CTNNA3: variants seen among roughly 807,000 people sequenced by gnomAD.
The protein encoded by CTNNA3 is catenin alpha-3.
CTNNA3 carries 76 observed loss-of-function variants against 95.7 expected under a neutral mutation model. The observed-to-expected ratio is 0.79, with a 90% confidence interval of 0.66 to 0.96. CTNNA3 has a LOEUF of 0.96. Among genes scored for constraint, CTNNA3 ranks in the 40% least tolerant of loss-of-function variants. The probability of loss-of-function intolerance (pLI) is 0.00; values close to 1 mark genes in which losing one functional copy is unlikely to be tolerated. For missense variants in CTNNA3, 1,191 were observed against 1,089.8 expected, an observed-to-expected ratio of 1.09 and a Z score of -1.31; for synonymous variants, 431 against 374.4, an observed-to-expected ratio of 1.15 and a Z score of -1.74.
At chr10:67,488,517 A>C (rs903358771) in intron 5 of CTNNA3, among the ~76,000 whole-genome samples, 2 of 151,990 alleles carry the variant, frequency 1.3e-5, no homozygotes, top group Admixed American at 1.3e-4. Context: ...TTACAGGCAC[A>C]TGCCACCAAG....
At chr10:67,077,014 C>G (rs940906550) in intron 7 of CTNNA3, among the ~76,000 whole-genome samples, 1 of 152,144 alleles carries the variant, frequency 6.6e-6, no homozygotes, top group African/African-American at 2.4e-5. Context: ...CAGGCAACGC[C>G]CCCAACATGA....
chr10:67,005,394 G>A (rs2140375), intron 7 of CTNNA3, among the ~76,000 whole-genome samples: 79,589 of 151,840 alleles, frequency 0.52, 21,569 homozygotes, highest in Middle Eastern at 0.73. Flanking sequence ...CTCTATCTCA[G>A]TTCCTAGTTC....
chr10:66,694,332 A>C (rs1290108485), intron 9 of CTNNA3, among the ~76,000 whole-genome samples: 1 of 152,004 alleles, frequency 6.6e-6, no homozygotes, highest in African/African-American at 2.4e-5. Context: ...TACTACAAAC[A>C]CCTCTATGCA....
chr10:67,336,276 G>A (rs1458206128), intron 5 of CTNNA3, among the ~76,000 whole-genome samples: 1 of 152,110 alleles, frequency 6.6e-6, no homozygotes, highest in Non-Finnish European at 1.5e-5. Context: ...GAAAGAAACT[G>A]TAGCAGGTCT....
intron 15 of CTNNA3, among the ~76,000 whole-genome samples, chr10:66,013,326 A>C (rs10762023): frequency 0.75 from 114,115 of 152,118 alleles, 43,114 homozygotes; most frequent in East Asian, 0.93. Flanking sequence ...AGTGGACCAG[A>C]ACTGAAAATA....
At chr10:67,598,016 C>G (rs78985486) in intron 3 of CTNNA3, among the ~76,000 whole-genome samples, 1,998 of 152,250 alleles carry the variant, frequency 0.013, 40 homozygotes, top group East Asian at 0.07. Flanking sequence ...TGCAGCCAGA[C>G]AGAGACCTTG....
At chr10:66,846,697 T>C (rs1843296477) in intron 7 of CTNNA3, among the ~76,000 whole-genome samples, 1 of 152,206 alleles carries the variant, frequency 6.6e-6, no homozygotes, top group Admixed American at 6.5e-5. Context: ...ACTCTCTTTT[T>C]AGGAATGGAT....
intron 9 of CTNNA3, among the ~76,000 whole-genome samples, chr10:66,657,671 C>A (rs538738907): frequency 6.6e-6 from 1 of 152,280 alleles, no homozygotes; most frequent in Admixed American, 6.5e-5. Context: ...ATGTCTGCTG[C>A]TTTATAATTT....
At chr10:67,556,338 C>T (rs1176764398) in intron 3 of CTNNA3, among the ~76,000 whole-genome samples, 1 of 152,102 alleles carries the variant, frequency 6.6e-6, no homozygotes, top group African/African-American at 2.4e-5. Flanking sequence ...AGTACCAGCT[C>T]CTTTTTGTAC....
At chr10:67,703,767 C>G (rs1353602587) in intron 1 of CTNNA3, among the ~76,000 whole-genome samples, 1 of 152,064 alleles carries the variant, frequency 6.6e-6, no homozygotes, top group Non-Finnish European at 1.5e-5. Flanking sequence ...GGTTGGAAGT[C>G]CTGGCCAGGG....
rs532311418 is a variant in CTNNA3 at position 67,608,215 on chromosome 10, T to C, written c.100-1166A>G. Among the ~76,000 whole-genome samples, 10 of 152,304 alleles carry C rather than the reference T, an allele frequency of 6.6e-5. No individual in the cohort carries two copies. In the South Asian group the frequency reaches 2.1e-3, roughly 32 times the overall value. ...GGACTTTGTCCCCTGAAGCAACCAC[T>C]GTTCTATATGATTCAGAATGTTTCT... is the stretch of plus-strand genomic sequence containing the variant. On this transcript the variant is annotated intron_variant, in intron 2 of 17. Transcript: ENST00000433211.
intron 15 of CTNNA3, among the ~76,000 whole-genome samples, chr10:65,996,690 T>G (rs2078668454): frequency 6.6e-6 from 1 of 152,132 alleles, no homozygotes; most frequent in Non-Finnish European, 1.5e-5. Context: ...CTCCAGTGAC[T>G]AGGATTGCAG....
At chr10:66,876,716 A>G (rs1053887176) in intron 7 of CTNNA3, among the ~76,000 whole-genome samples, 1 of 151,996 alleles carries the variant, frequency 6.6e-6, no homozygotes, top group African/African-American at 2.4e-5. Context: ...AAGAAAGAGT[A>G]TGGTTGCTGC....
At chr10:67,058,000 T>G (rs1855542598) in intron 7 of CTNNA3, among the ~76,000 whole-genome samples, 1 of 152,158 alleles carries the variant, frequency 6.6e-6, no homozygotes, top group Non-Finnish European at 1.5e-5. Context: ...GATAAGTGAT[T>G]GCGCAAAGTT....
At chr10:67,224,254 C>T (rs780267749) in intron 5 of CTNNA3, among the ~76,000 whole-genome samples, 5 of 152,172 alleles carry the variant, frequency 3.3e-5, no homozygotes, top group Non-Finnish European at 7.4e-5. Context: ...CCCGTTTCCC[C>T]CACATGCCAA....
At chr10:66,493,957 G>A (rs1035127960) in intron 11 of CTNNA3, among the ~76,000 whole-genome samples, 20 of 138,244 alleles carry the variant, frequency 1.4e-4, no homozygotes, top group Non-Finnish European at 2.3e-4. Context: ...ACCCAGGCTG[G>A]AGTGCAGTGG....
At position 66,913,970 on chromosome 10, in the gene CTNNA3, A is replaced by G. The variant is rs181415595; in HGVS notation, c.1048-138446T>C. ...CCTTTCCCTGCCTTGCCCCCAGAAC[A>G]CTGGTAGCAGGTGTACATCTTCCAT... On this transcript the variant is annotated intron_variant, in intron 7 of 17. Coordinates refer to ENST00000433211, the MANE Select transcript of CTNNA3 (RefSeq NM_013266.4). 2.1e-3 allele frequency among the ~76,000 whole-genome samples: 324 copies of G among 152,242 alleles called. 2 individuals carry two copies. Among genetic ancestry groups the G allele is most frequent in the Non-Finnish European group, 4.0e-3 (269 of 68,012 alleles).
intron 5 of CTNNA3, among the ~76,000 whole-genome samples, chr10:67,299,834 G>C (rs998299762): frequency 6.6e-6 from 1 of 152,108 alleles, no homozygotes; most frequent in African/African-American, 2.4e-5. Flanking sequence ...ATATAAATTG[G>C]CATACATCTG....
intron 9 of CTNNA3, among the ~76,000 whole-genome samples, chr10:66,680,191 TTTTG>T (rs749869689): frequency 1.9e-4 from 29 of 151,968 alleles, no homozygotes; most frequent in African/African-American, 4.8e-4. Context: ...TTTTTTGTTT[TTTTG>T]TTTGTTTGTT....
Sources: gnomAD v4.1 joint callset for allele counts (sites outside exome capture counted in the v4.1 genomes callset) on GRCh38, gnomAD v4.1.1 for gene constraint, MANE v1.5 for transcripts, NCBI Gene and HGNC (gene_info 2026-07-23, HGNC 2026-07-21) for gene names.